The following PLCE1 variants were observed in gnomAD, a reference collection of about 807,000 sequenced individuals.
The protein encoded by PLCE1 is 1-phosphatidylinositol 4,5-bisphosphate phosphodiesterase epsilon-1.
A neutral mutation model predicts 242.8 loss-of-function variants in PLCE1; 119 were observed. That is an observed-to-expected ratio of 0.49 (90% confidence interval 0.42 to 0.57). The LOEUF (loss-of-function observed/expected upper bound fraction) is 0.57, where lower values mean the gene tolerates loss of function less well. Ranked by LOEUF, PLCE1 falls within the 20% of genes least tolerant of loss-of-function variation. The pLI is 0.00. For missense variants in PLCE1, 2,441 were observed against 2,788.8 expected (o/e 0.88, Z 2.81); for synonymous variants, 945 against 1,017.4 (o/e 0.93, Z 1.35).
At chr10:94,098,022 G>A (rs2045380166) in intron 2 of PLCE1, among the ~76,000 whole-genome samples, 1 of 152,174 alleles carries the variant, frequency 6.6e-6, no homozygotes, top group African/African-American at 2.4e-5. Context: ...GTCTGAAGTA[G>A]CCTGATTTGG....
chr10:94,246,357 A>T lies in PLCE1; in HGVS notation c.2832A>T (p.Val944=). ...TGGATCTTTTTGCAGTGAAGGCTGT[A>T]TACATGGGCCACCCTGGCATTGATA... The part of the protein sequence containing the change: ...GVLDLFAVKA[V]YMGHPGIDIH... Residue 944 remains valine, a synonymous_variant, in exon 8 of 33, where the codon GTA becomes GTT. Coordinates refer to ENST00000371380, the MANE Select transcript of PLCE1 (RefSeq NM_016341.4). 1 of 1,614,200 alleles carries T rather than the reference A, an allele frequency of 6.2e-7. No homozygotes were observed. The highest frequency in any genetic ancestry group is 1.1e-5 in the South Asian group (1 of 91,084).
chr10:93,997,135 G>T (rs2060840461), intron 1 of PLCE1, among the ~76,000 whole-genome samples: 1 of 152,164 alleles, frequency 6.6e-6, no homozygotes. Context: ...GTCAATGTGA[G>T]AGATCTTATC....
Position 94,329,013 on chromosome 10 carries a change from A to T in PLCE1, c.*1070A>T, listed in dbSNP as rs555303291. ...CAAGGTTTGTACTGACACTATACTT[A>T]TATATTTATTATACATCGCTCTCTT... is the stretch of plus-strand genomic sequence containing the variant. On this transcript the variant is annotated 3_prime_UTR_variant, in exon 33 of 33. Coordinates refer to ENST00000371380, the MANE Select transcript of PLCE1 (RefSeq NM_016341.4). 6.6e-6 allele frequency: 1 copy of T among 152,332 alleles called. No homozygotes were observed. The highest frequency in any genetic ancestry group is 2.1e-4 in the South Asian group (1 of 4,830). The allele number at this position is 152,332 out of a possible 1,614,324, so 9.4% of individuals were successfully genotyped here.
At chr10:94,150,563 C>G (rs568323633) in intron 3 of PLCE1, among the ~76,000 whole-genome samples, 1 of 152,314 alleles carries the variant, frequency 6.6e-6, no homozygotes, top group South Asian at 2.1e-4. Flanking sequence ...TAGGGAAATT[C>G]ATTTCTGCTA....
intron 3 of PLCE1, among the ~76,000 whole-genome samples, chr10:94,169,396 G>A (rs1287747246): frequency 4.6e-5 from 7 of 152,172 alleles, no homozygotes; most frequent in Admixed American, 2.0e-4. Context: ...GAAAGTGAGG[G>A]ATTAAAGGTG....
At chr10:94,280,813 A>AAT (rs1392556228) in intron 20 of PLCE1, among the ~76,000 whole-genome samples, 1 of 152,192 alleles carries the variant, frequency 6.6e-6, no homozygotes, top group East Asian at 1.9e-4. Flanking sequence ...CCCTCCTCCA[A>AAT]ATATCTGCTC....
chr10:94,079,841 G>A (rs1289598400), intron 2 of PLCE1, among the ~76,000 whole-genome samples: 1 of 152,128 alleles, frequency 6.6e-6, no homozygotes, highest in Non-Finnish European at 1.5e-5. Flanking sequence ...AGCTCTCGAG[G>A]TTTCTCCAAA....
At chr10:94,322,111 G>A in intron 30 of PLCE1, 52 bp downstream of exon 30, 1 of 1,536,746 alleles carries the variant, frequency 6.5e-7, no homozygotes, top group Non-Finnish European at 9.0e-7. Context: ...ATAAATTATT[G>A]GAACAAATGT....
intron 13 of PLCE1, 58 bp from the exon 14 acceptor site, chr10:94,262,436 T>C: frequency 8.8e-7 from 1 of 1,137,922 alleles, no homozygotes; most frequent in East Asian, 2.3e-5. Context: ...ATCTCCAAAA[T>C]GAACTTTGCA....
chr10:94,187,760 C>T (rs1440655495), intron 4 of PLCE1, among the ~76,000 whole-genome samples: 2 of 152,186 alleles, frequency 1.3e-5, no homozygotes, highest in Non-Finnish European at 2.9e-5. Context: ...CTTAATCCCA[C>T]GATTCAGATT....
In PLCE1 at chr10:94,019,798, A is replaced by G. The variant is rs540899411; in HGVS notation, c.-364-10885A>G. Among the ~76,000 whole-genome samples the G allele has an allele frequency of 3.3e-5, 5 of 152,354 alleles. 1 individual carries two copies. In the East Asian group the frequency reaches 9.6e-4, roughly 29 times the overall value. On this transcript the variant is annotated intron_variant, in intron 1 of 32. Coordinates refer to ENST00000371380, the MANE Select transcript of PLCE1 (RefSeq NM_016341.4). ...ATGCATTCAGTGTCTGGCTTCTTTC[A>G]TGCAATGTGGTGTTTTTGAGAGTCA...
Position 94,031,135 on chromosome 10 carries a change from G to A in PLCE1, c.89G>A (p.Ser30Asn), listed in dbSNP as rs2061548891. The A allele has an allele frequency of 6.2e-7, 1 of 1,613,734 alleles. No homozygotes were observed. Among genetic ancestry groups the A allele is most frequent in the African/African-American group, 1.3e-5 (1 of 74,900 alleles). ...GCCCAGTCGGCTGCAGATGAAAGTA[G>A]TGAAAAGGTCTCAGACATCAATATT... ...VSAQSAADESSEKVSDINISK... is the reference protein window; with the variant it reads ...VSAQSAADESNEKVSDINISK... Residue 30 changes from serine (S) to asparagine (N), a missense_variant, in exon 2 of 33, where the codon AGT (serine) becomes AAT (asparagine). Around this residue, in one of 5 missense-constraint regions of PLCE1, gnomAD observed 393 missense variants for 378.5 expected, o/e 1.04. Transcript: ENST00000371380.
rs1403555587 is a variant in PLCE1, at chr10:94,171,439, T to G, written c.1752T>G (p.Leu584=). 6.2e-7 allele frequency: 1 copy of G among 1,614,196 alleles called. No homozygotes were observed. The highest frequency in any genetic ancestry group is 8.5e-7 in the Non-Finnish European group (1 of 1,179,998). Residue 584 remains leucine, a synonymous_variant, in exon 4 of 33, where the codon CTT becomes CTG. Coordinates refer to ENST00000371380, the MANE Select transcript of PLCE1 (RefSeq NM_016341.4). ...CLKASISASI[L]TTQNGEHNAL... ...AAGCATCCATCTCAGCGTCGATTCT[T>G]ACCACTCAGAATGGAGAGCACAATG...
intron 6 of PLCE1, 34 bp from the exon 7 acceptor site, chr10:94,235,881 G>A: frequency 6.4e-7 from 1 of 1,573,622 alleles, no homozygotes; most frequent in Non-Finnish European, 8.7e-7. Context: ...GGCATATTAA[G>A]TTGCAATAGC....
At chr10:94,090,194 AT>A (rs2045008479) in intron 2 of PLCE1, among the ~76,000 whole-genome samples, 1 of 152,188 alleles carries the variant, frequency 6.6e-6, no homozygotes, top group Non-Finnish European at 1.5e-5. Flanking sequence ...GGAGTTAAAA[AT>A]AACCCAGAAT....
chr10:94,227,825 A>G (rs188298746), intron 5 of PLCE1, among the ~76,000 whole-genome samples: 1 of 152,344 alleles, frequency 6.6e-6, no homozygotes, highest in East Asian at 1.9e-4. Context: ...TTCCAGGGCT[A>G]TATGCTATAG....
chr10:94,085,265 C>T (rs2044774094), intron 2 of PLCE1, among the ~76,000 whole-genome samples: 1 of 151,976 alleles, frequency 6.6e-6, no homozygotes, highest in African/African-American at 2.4e-5. Flanking sequence ...GAGGCTTTGC[C>T]CCATCTGGTA....
At chr10:94,018,337 A>G (rs902069668) in intron 1 of PLCE1, among the ~76,000 whole-genome samples, 1 of 152,174 alleles carries the variant, frequency 6.6e-6, no homozygotes, top group Non-Finnish European at 1.5e-5. Context: ...TTGACCTGCT[A>G]TGAGAACTTT....
At chr10:94,114,336 AT>A (rs1281008294) in intron 2 of PLCE1, among the ~76,000 whole-genome samples, 7 of 152,150 alleles carry the variant, frequency 4.6e-5, no homozygotes, top group Non-Finnish European at 8.8e-5. Context: ...ATAGACAGTA[AT>A]TGTGCAGGGG....
Sources: gnomAD v4.1 joint callset for allele counts (sites outside exome capture counted in the v4.1 genomes callset) on GRCh38, gnomAD v4.1.1 for gene constraint, gnomAD v4.1.1 regional missense constraint, MANE v1.5 for transcripts, NCBI Gene and HGNC (gene_info 2026-07-23, HGNC 2026-07-21) for gene names.